Variants in SARDH observed in about 807,000 individuals in gnomAD.
SARDH encodes sarcosine dehydrogenase, also known as sarcosine dehydrogenase, mitochondrial.
A neutral mutation model predicts 109.1 loss-of-function variants in SARDH; 95 were observed. The observed-to-expected ratio is 0.87, with a 90% CI of 0.74 to 1.03. The LOEUF is 1.03. SARDH is among the 50% of genes least tolerant of loss of function. The pLI, the probability that SARDH is intolerant of heterozygous loss-of-function variation, is 0.00. For missense variants in SARDH, 1,267 were observed against 1,287.8 expected, an observed-to-expected ratio of 0.98 and a Z score of 0.25; for synonymous variants, 572 against 534.8, an observed-to-expected ratio of 1.07 and a Z score of -0.96.
chr9:133,679,722 G>T (rs764965827), intron 17 of SARDH, among the ~76,000 whole-genome samples: 1 of 152,234 alleles, frequency 6.6e-6, no homozygotes, highest in African/African-American at 2.4e-5. Context: ...GCAGTCCAGG[G>T]ATCGTGGCAG....
Position 133,718,981 on chromosome 9 carries a change from A to G in SARDH, c.977T>C (p.Leu326Ser). Residue 326 changes from leucine to serine, a missense_variant, in exon 7 of 21, where the codon TTG becomes TCG. By Grantham distance (145) the Leu-to-Ser change is moderately radical (BLOSUM62 -2). Transcript: ENST00000439388. The surrounding 1 kb of genome is among the most constrained non-coding windows in gnomAD (Gnocchi z 4.2). ...GTTGGCCTCATAGCCACCCACAGAC[A>G]AGGCATCCCCTTGGAGGCGGAGGTA... ...SVYLRLQGDA[L>S]SVGGYEANPI... 1 of 1,614,170 alleles carries G rather than the reference A, an allele frequency of 6.2e-7. No homozygotes were observed. Among genetic ancestry groups the G allele is most frequent in the Non-Finnish European group, 8.5e-7 (1 of 1,180,020 alleles).
At chr9:133,685,385 G>A in intron 16 of SARDH, 99 bp from the exon 17 acceptor site, 1 of 799,522 alleles carries the variant, frequency 1.3e-6, no homozygotes, top group South Asian at 1.6e-5. Context: ...ATAAGTCCCT[G>A]TCCTCATGAG....
At chr9:133,702,474 C>G (rs1056678512) in intron 13 of SARDH, among the ~76,000 whole-genome samples, 3 of 152,244 alleles carry the variant, frequency 2.0e-5, no homozygotes, top group Non-Finnish European at 4.4e-5. Context: ...GGGGCCCATA[C>G]GGGGCCTGAT....
intron 8 of SARDH, 27 bp from the exon 9 acceptor site, chr9:133,713,151 G>GGAGAGGAGGCCTGGAAGGAT: frequency 6.3e-7 from 1 of 1,594,202 alleles, no homozygotes; most frequent in Non-Finnish European, 8.6e-7. Context: ...GAGGCCTGGA[G>GGAGAGGAGGCCTGGAAGGAT]TCCCTTTTGC....
Position 133,732,474 on chromosome 9 carries a change from G to A in SARDH, c.459C>T (p.Leu153=). ...GGCGCTGCCGGTTGGACGCGATGAA[G>A]AGGCCCCCATTCTGGATCCAGCCCG... ...LHTGWIQNGG[L]FIASNRQRLD... Residue 153 remains leucine, a synonymous_variant, in exon 3 of 21, where the codon CTC becomes CTT. Coordinates refer to ENST00000439388, the MANE Select transcript of SARDH (RefSeq NM_001134707.2). 6.2e-7 allele frequency: 1 copy of A among 1,608,482 alleles called. No individual in the cohort carries two copies. The highest frequency in any genetic ancestry group is 8.5e-7 in the Non-Finnish European group (1 of 1,176,794).
At chr9:133,667,032 C>G in intron 19 of SARDH, 162 bp from the exon 20 acceptor site, 1 of 877,072 alleles carries the variant, frequency 1.1e-6, no homozygotes, top group South Asian at 1.5e-5. Flanking sequence ...CCAGAGCCAG[C>G]CCAGCACCTG....
At chr9:133,689,256 G>T (rs1180744311) in intron 16 of SARDH, among the ~76,000 whole-genome samples, 1 of 143,624 alleles carries the variant, frequency 7.0e-6, no homozygotes, top group Non-Finnish European at 1.5e-5. Context: ...TCCAGAGACA[G>T]ATCACCCCTT....
chr9:133,688,166 C>T (rs113688777), intron 16 of SARDH, among the ~76,000 whole-genome samples: 49 of 152,298 alleles, frequency 3.2e-4, no homozygotes, highest in African/African-American at 1.1e-3. Context: ...CCCAGAGATG[C>T]GGAGGTTGGG....
chr9:133,682,923 C>T (rs183288401), intron 17 of SARDH, among the ~76,000 whole-genome samples: 1 of 152,184 alleles, frequency 6.6e-6, no homozygotes, highest in East Asian at 1.9e-4. Context: ...GGTTGGAAAC[C>T]GAGCAATGAG....
rs143466438 is a variant in SARDH at position 133,732,499 on chromosome 9, G to A, written c.434C>T (p.Thr145Met). 7.2e-5 allele frequency: 116 copies of A among 1,612,576 alleles called. No homozygotes were observed. The African/African-American group carries it at 1.4e-3, about 20-fold the overall frequency. ...RELEEETGLHTGWIQNGGLFI... is the reference protein window; with the variant it reads ...RELEEETGLHMGWIQNGGLFI... ...GAGGCCCCCATTCTGGATCCAGCCC[G>A]TGTGTAGTCCCGTCTCCTCCTCCAG... is the stretch of plus-strand genomic sequence containing the variant. Residue 145 changes from threonine to methionine, a missense_variant, in exon 3 of 21, where the codon ACG becomes ATG. Physicochemically the swap from Thr to Met is moderately conservative, Grantham distance 81. Transcript: ENST00000439388.
Position 133,666,196 on chromosome 9 carries a change from G to T in SARDH, c.2631+539C>A, listed in dbSNP as rs908839729. Reference sequence around the variant, plus strand: ...TTGCCTGGGGTCAGGGGTGTCGGGGGTGAGGAAAGAGAGGATAGGAACATG... The same window carrying T: ...TTGCCTGGGGTCAGGGGTGTCGGGGTTGAGGAAAGAGAGGATAGGAACATG... On this transcript the variant is annotated intron_variant, in intron 20 of 20. Transcript: ENST00000439388. The surrounding 1 kb of genome is among the most constrained non-coding windows in gnomAD (Gnocchi z 5.2). 6.6e-6 allele frequency among the ~76,000 whole-genome samples: 1 copy of T among 151,772 alleles called. No homozygotes were observed. The highest frequency in any genetic ancestry group is 6.5e-5 in the Admixed American group (1 of 15,274).
At chr9:133,715,608 T>A (rs1832090876) in intron 8 of SARDH, among the ~76,000 whole-genome samples, 1 of 152,152 alleles carries the variant, frequency 6.6e-6, no homozygotes. Flanking sequence ...CAGAGGGGGC[T>A]GGACTCCTCG....
At chr9:133,661,031 T>C (rs1375850333), downstream of SARDH, among the ~76,000 whole-genome samples, 1 of 152,072 alleles carries the variant, frequency 6.6e-6, no homozygotes, top group Non-Finnish European at 1.5e-5. Flanking sequence ...AGTGAAATCC[T>C]GTCTCTACAA....
intron 16 of SARDH, among the ~76,000 whole-genome samples, chr9:133,689,932 G>A (rs1019380776): frequency 2.6e-5 from 4 of 152,206 alleles, no homozygotes; most frequent in East Asian, 3.8e-4. Flanking sequence ...AGGAATGCAC[G>A]CATGGATAAG....
At chr9:133,676,231 A>G (rs192524872) in intron 17 of SARDH, among the ~76,000 whole-genome samples, 1 of 152,320 alleles carries the variant, frequency 6.6e-6, no homozygotes, top group East Asian at 1.9e-4. Flanking sequence ...CATTATAAAC[A>G]CATCACGCTA....
intron 11 of SARDH, among the ~76,000 whole-genome samples, chr9:133,707,257 G>A (rs1017215688): frequency 1.3e-5 from 2 of 152,214 alleles, no homozygotes; most frequent in East Asian, 1.9e-4. Context: ...TGAGGAATGC[G>A]TCTGAGCTGA....
Position 133,686,154 on chromosome 9 carries a change from C to T in SARDH, c.2070-868G>A, listed in dbSNP as rs1166946794. On this transcript the variant is annotated intron_variant, in intron 16 of 20. Coordinates refer to ENST00000439388, the MANE Select transcript of SARDH (RefSeq NM_001134707.2). The surrounding 1 kb of genome is among the most constrained non-coding windows in gnomAD (Gnocchi z 4.0). ...GTTTGCACAGACTTGCTGGGTCCACCCCTGCTTTTAAGCTCTGCGAGGGTG... is the reference window on the plus strand; with the variant it reads ...GTTTGCACAGACTTGCTGGGTCCACTCCTGCTTTTAAGCTCTGCGAGGGTG... Among the ~76,000 whole-genome samples the T allele has an allele frequency of 6.6e-6, 1 of 152,110 alleles. No homozygotes were observed. The highest frequency in any genetic ancestry group is 1.5e-5 in the Non-Finnish European group (1 of 68,006).
intron 11 of SARDH, 30 bp downstream of exon 11, chr9:133,708,257 A>G: frequency 6.3e-7 from 1 of 1,599,734 alleles, no homozygotes; most frequent in Non-Finnish European, 8.5e-7. Flanking sequence ...CCTCGCTGCC[A>G]GTCCCCAGCA....
At chr9:133,680,911 G>A (rs965647287) in intron 17 of SARDH, among the ~76,000 whole-genome samples, 2 of 152,228 alleles carry the variant, frequency 1.3e-5, no homozygotes, top group African/African-American at 2.4e-5. Flanking sequence ...AGGTGAAGAT[G>A]GTTAGCCCCA....
Sources: allele counts gnomAD v4.1 joint callset (sites outside exome capture counted in the v4.1 genomes callset), GRCh38; gene constraint gnomAD v4.1.1; non-coding constraint Gnocchi (gnomAD v3.1); transcripts MANE v1.5; gene names NCBI Gene and HGNC (gene_info 2026-07-23, HGNC 2026-07-21).